The following HEMK2 variants were observed in gnomAD, a reference collection of about 807,000 sequenced individuals.
HEMK2 encodes methyltransferase HEMK2.
the HEMK2 span, among the ~76,000 whole-genome samples, chr21:28,749,376 A>G: frequency 6.6e-6 from 1 of 152,198 alleles, no homozygotes; most frequent in East Asian, 1.9e-4. Context: ...TATGTGGTAA[A>G]TACTATTATT....
chr21:28,675,935 T>A, the HEMK2 span, among the ~76,000 whole-genome samples: 7 of 152,208 alleles, frequency 4.6e-5, no homozygotes, highest in Non-Finnish European at 7.3e-5. Flanking sequence ...TTTCTTCTCT[T>A]GGGCCACTTT....
At chr21:28,853,603 G>A in the HEMK2 span, among the ~76,000 whole-genome samples, 1 of 152,212 alleles carries the variant, frequency 6.6e-6, no homozygotes, top group African/African-American at 2.4e-5. Context: ...AAACAGGAGT[G>A]TTGGGGGTGG....
the HEMK2 span, among the ~76,000 whole-genome samples, chr21:28,721,595 A>G: frequency 6.6e-6 from 1 of 152,096 alleles, no homozygotes; most frequent in African/African-American, 2.4e-5. Context: ...TAAACAGCTG[A>G]ATTGGGAGGA....
the HEMK2 span, among the ~76,000 whole-genome samples, chr21:28,884,366 A>G: frequency 6.6e-6 from 1 of 152,234 alleles, no homozygotes; most frequent in Non-Finnish European, 1.5e-5. Context: ...GAGAAATATG[A>G]CCAAGTTTAA....
At chr21:28,625,488 AG>A in the HEMK2 span, among the ~76,000 whole-genome samples, 1 of 152,134 alleles carries the variant, frequency 6.6e-6, no homozygotes, top group Non-Finnish European at 1.5e-5. Context: ...CGGGAGGCCA[AG>A]GGGGTGGATC....
the HEMK2 span, among the ~76,000 whole-genome samples, chr21:28,860,468 T>A: frequency 0.13 from 19,090 of 148,284 alleles, 1,323 homozygotes; most frequent in South Asian, 0.17. Flanking sequence ...TATATATATA[T>A]AACATATATA....
chr21:28,746,750 G>A, the HEMK2 span, among the ~76,000 whole-genome samples: 2 of 151,928 alleles, frequency 1.3e-5, no homozygotes, highest in African/African-American at 4.8e-5. Context: ...AAAACTTTGA[G>A]AAGGGAAGCA....
At chr21:28,878,474 T>C in the HEMK2 span, 1 of 838,980 alleles carries the variant, frequency 1.2e-6, no homozygotes, top group Admixed American at 2.7e-5. Context: ...AAGTTGAATC[T>C]AAGTTTCATC....
the HEMK2 span, among the ~76,000 whole-genome samples, chr21:28,825,322 T>A: frequency 1.3e-5 from 2 of 152,210 alleles, no homozygotes; most frequent in African/African-American, 2.4e-5. Context: ...CACATTCCCA[T>A]GTAATGCTGA....
At chr21:28,661,924 C>T in the HEMK2 span, among the ~76,000 whole-genome samples, 3 of 152,148 alleles carry the variant, frequency 2.0e-5, no homozygotes, top group African/African-American at 7.2e-5. Context: ...TCATCCCATT[C>T]TCTCTCTGTT....
At chr21:28,831,518 A>AGAAAGAAAGAAAGAAAGAAAGAAG in the HEMK2 span, among the ~76,000 whole-genome samples, 9 of 76,718 alleles carry the variant, frequency 1.2e-4, no homozygotes, top group Non-Finnish European at 1.6e-4. Context: ...AAAGAAAGAA[A>AGAAAGAAAGAAAGAAAGAAAGAAG]GAAAGAAGGA....
the HEMK2 span, among the ~76,000 whole-genome samples, chr21:28,736,709 G>A: frequency 6.6e-6 from 1 of 151,960 alleles, no homozygotes; most frequent in Non-Finnish European, 1.5e-5. Context: ...AGGTTGCTTT[G>A]AGTTGATATC....
the HEMK2 span, among the ~76,000 whole-genome samples, chr21:28,713,209 A>C: frequency 6.6e-6 from 1 of 151,998 alleles, no homozygotes; most frequent in Non-Finnish European, 1.5e-5. Context: ...TTACCTCCTA[A>C]ATATCTCCCA....
the HEMK2 span, among the ~76,000 whole-genome samples, chr21:28,677,948 A>T: frequency 2.6e-4 from 39 of 152,364 alleles, no homozygotes; most frequent in African/African-American, 9.4e-4. Flanking sequence ...AGATGGGGAA[A>T]AAACAGCAGA....
the HEMK2 span, among the ~76,000 whole-genome samples, chr21:28,699,555 C>G: frequency 6.6e-6 from 1 of 152,138 alleles, no homozygotes. Context: ...TTTAAAGTAT[C>G]ATTGGCATTT....
the HEMK2 span, among the ~76,000 whole-genome samples, chr21:28,706,079 T>C: frequency 3.9e-5 from 6 of 152,218 alleles, no homozygotes; most frequent in Non-Finnish European, 7.3e-5. Context: ...TGTAGACATC[T>C]TTGAAGTGGT....
chr21:28,838,988 TATATATATATATAC>T, the HEMK2 span, among the ~76,000 whole-genome samples: 213 of 76,660 alleles, frequency 2.8e-3, 11 homozygotes, highest in African/African-American at 0.012. Flanking sequence ...TATATATATA[TATATATATATATAC>T]ATATATATAC....
the HEMK2 span, among the ~76,000 whole-genome samples, chr21:28,768,998 T>C: frequency 1.3e-5 from 2 of 151,982 alleles, no homozygotes; most frequent in South Asian, 4.1e-4. Context: ...CCAGCCAACA[T>C]CTTAATCTTG....
chr21:28,716,884 T>C, the HEMK2 span, among the ~76,000 whole-genome samples: 1 of 152,228 alleles, frequency 6.6e-6, no homozygotes, highest in South Asian at 2.1e-4. Context: ...TGTTTGCAGT[T>C]ATGTCTTCAG....
Sources: gnomAD v4.1 joint callset for allele counts (sites outside exome capture counted in the v4.1 genomes callset) on GRCh38, gnomAD v4.1.1 for gene constraint, MANE v1.5 for transcripts, NCBI Gene and HGNC (gene_info 2026-07-23, HGNC 2026-07-21) for gene names.